EPHA5: variants seen among roughly 807,000 people sequenced by gnomAD.
EPHA5 encodes ephrin type-A receptor 5.
A neutral mutation model predicts 105.0 loss-of-function variants in EPHA5; 60 were observed. That is an observed-to-expected ratio of 0.57 (90% CI 0.46 to 0.71). The LOEUF is 0.71. Among genes scored for constraint, EPHA5 ranks in the 30% least tolerant of loss-of-function variants. EPHA5 has a pLI of 0.00. For missense variants in EPHA5, 1,218 were observed against 1,274.7 expected (o/e 0.96, Z 0.68); for synonymous variants, 513 against 449.1 (o/e 1.14, Z -1.80).
At chr4:65,654,039 A>T (rs543964069) in intron 1 of EPHA5, among the ~76,000 whole-genome samples, 7 of 152,128 alleles carry the variant, frequency 4.6e-5, no homozygotes, top group Admixed American at 4.6e-4. Flanking sequence ...TGTTGTTTAA[A>T]CTAAAGGAAT....
intron 3 of EPHA5, among the ~76,000 whole-genome samples, chr4:65,554,962 C>G (rs1738264437): frequency 1.0e-5 from 1 of 99,496 alleles, no homozygotes; most frequent in Non-Finnish European, 2.0e-5. Context: ...AATGTTATCA[C>G]TTCACCCCTA....
rs573122970 is a variant in EPHA5 at position 65,355,523 on chromosome 4, C to T, written c.2174-2420G>A. Among the ~76,000 whole-genome samples, 176 of 151,710 alleles carry T rather than the reference C, an allele frequency of 1.2e-3. 1 individual carries two copies. In the Middle Eastern group the frequency reaches 0.02, roughly 18 times the overall value. ...CTTTGGGCTCTTTTCGTCCCATTCT[C>T]ACATCTCTGAGCCCATTTCAACCTT... On this transcript the variant is annotated intron_variant, in intron 11 of 16. Coordinates refer to ENST00000613740, the MANE Select transcript of EPHA5 (RefSeq NM_001281766.3).
At chr4:65,350,340 T>A (rs1475494490) in intron 13 of EPHA5, among the ~76,000 whole-genome samples, 1 of 151,348 alleles carries the variant, frequency 6.6e-6, no homozygotes, top group East Asian at 2.0e-4. Flanking sequence ...AAAGTACAAA[T>A]CCCCATGAAT....
chr4:65,522,652 A>G (rs552937187), intron 3 of EPHA5, among the ~76,000 whole-genome samples: 2 of 152,118 alleles, frequency 1.3e-5, no homozygotes, highest in Non-Finnish European at 2.9e-5. Flanking sequence ...TGTATGAATG[A>G]CAGATTTTTA....
intron 3 of EPHA5, among the ~76,000 whole-genome samples, chr4:65,506,390 G>GA (rs1352165613): frequency 6.8e-6 from 1 of 146,078 alleles, no homozygotes; most frequent in Non-Finnish European, 1.5e-5. Flanking sequence ...GGGTCAAATG[G>GA]TATTTCTAGT....
intron 5 of EPHA5, among the ~76,000 whole-genome samples, chr4:65,430,033 A>G (rs1724826794): frequency 6.6e-6 from 1 of 152,038 alleles, no homozygotes; most frequent in African/African-American, 2.4e-5. Context: ...AAAAAAGCCA[A>G]ATCACAACAT....
chr4:65,632,659 G>A (rs934981928), intron 2 of EPHA5, among the ~76,000 whole-genome samples: 2 of 151,750 alleles, frequency 1.3e-5, no homozygotes, highest in Non-Finnish European at 2.9e-5. Flanking sequence ...TTGAGGCATA[G>A]AGTGATCTGC....
At chr4:65,549,380 G>A (rs1175208448) in intron 3 of EPHA5, among the ~76,000 whole-genome samples, 3 of 151,972 alleles carry the variant, frequency 2.0e-5, no homozygotes, top group African/African-American at 7.3e-5. Context: ...TAAATGGAAG[G>A]GCCTAGATGC....
chr4:65,439,905 A>G (rs1216935548), intron 5 of EPHA5, among the ~76,000 whole-genome samples: 1 of 152,116 alleles, frequency 6.6e-6, no homozygotes, highest in Non-Finnish European at 1.5e-5. Flanking sequence ...ATTTGTTTGC[A>G]TTATGAAAGA....
At position 65,335,964 on chromosome 4, in the gene EPHA5, A is replaced by C. The variant is rs760801092; in HGVS notation, c.2757T>G (p.Ser919Arg). The stretch of plus-strand genomic sequence containing the variant: ...ATGCATTAACCAGCGTCTTCAGACT[A>C]CTTGGGTTACGTATCAGCTTGTCCA... ...NMLDKLIRNP[S>R]SLKTLVNASC... is the part of the protein sequence containing the mutation. Residue 919 changes from serine (S) to arginine (R), a missense_variant, in exon 15 of 17, where the codon AGT becomes AGG. Around this residue, in one of 3 missense-constraint regions of EPHA5, gnomAD observed 971 missense variants for 1,013.5 expected, o/e 0.96. Transcript: ENST00000613740. 2 of 1,612,652 alleles carry C rather than the reference A, an allele frequency of 1.2e-6. No individual in the cohort carries two copies. The highest frequency in any genetic ancestry group is 1.7e-6 in the Non-Finnish European group (2 of 1,179,168).
intron 3 of EPHA5, among the ~76,000 whole-genome samples, chr4:65,580,203 A>G (rs1741478793): frequency 1.3e-5 from 2 of 151,942 alleles, no homozygotes; most frequent in South Asian, 2.1e-4. Context: ...ACTCATTAAA[A>G]TAGGCATATA....
At chr4:65,635,140 C>T (rs1747003659) in intron 2 of EPHA5, among the ~76,000 whole-genome samples, 1 of 101,874 alleles carries the variant, frequency 9.8e-6, no homozygotes, top group African/African-American at 3.4e-5. Flanking sequence ...CAAAAGTAAG[C>T]ACAAAGGTTC....
chr4:65,636,911 A>C (rs1747172199), intron 2 of EPHA5, among the ~76,000 whole-genome samples: 1 of 152,232 alleles, frequency 6.6e-6, no homozygotes, highest in Admixed American at 6.5e-5. Context: ...AGTGCCTAGA[A>C]GACTGAGGGA....
chr4:65,502,303 C>T (rs1481655852), intron 3 of EPHA5, among the ~76,000 whole-genome samples: 1 of 151,162 alleles, frequency 6.6e-6, no homozygotes, highest in East Asian at 1.9e-4. Flanking sequence ...AAACTATTAG[C>T]AAAGTAAACA....
intron 15 of EPHA5, among the ~76,000 whole-genome samples, chr4:65,332,456 C>G (rs771493483): frequency 6.6e-6 from 1 of 151,652 alleles, no homozygotes; most frequent in African/African-American, 2.4e-5. Flanking sequence ...TAAAACCACT[C>G]TGTATAATAG....
chr4:65,577,664 G>A (rs6850491), intron 3 of EPHA5, among the ~76,000 whole-genome samples: 37,774 of 151,886 alleles, frequency 0.25, 5,256 homozygotes, highest in East Asian at 0.46. Context: ...ATTTGAAATA[G>A]ACTAGGTAAC....
intron 3 of EPHA5, among the ~76,000 whole-genome samples, chr4:65,501,272 A>C (rs901975945): frequency 6.6e-6 from 1 of 151,518 alleles, no homozygotes; most frequent in Admixed American, 6.6e-5. Context: ...CAATTAGGCA[A>C]GAGAAACAAA....
intron 5 of EPHA5, among the ~76,000 whole-genome samples, chr4:65,480,143 G>A (rs1341266427): frequency 6.6e-6 from 1 of 151,914 alleles, no homozygotes; most frequent in Non-Finnish European, 1.5e-5. Flanking sequence ...AAGAGAGAAA[G>A]GATGAGAGAG....
At position 65,470,069 on chromosome 4, in the gene EPHA5, G is replaced by C. The variant is rs956133615; in HGVS notation, c.1402+20308C>G. On this transcript the variant is annotated intron_variant, in intron 5 of 16. Transcript: ENST00000613740. ...TGATACCCTAACAAAATAAACAAGAGTTATTTTCCATGACATTCATGGTTA... is the reference window on the plus strand; with the variant it reads ...TGATACCCTAACAAAATAAACAAGACTTATTTTCCATGACATTCATGGTTA... Among the ~76,000 whole-genome samples the C allele has an allele frequency of 3.3e-5, 5 of 152,152 alleles. No individual in the cohort carries two copies. In the South Asian group the frequency reaches 1.0e-3, roughly 32 times the overall value.
Sources: allele counts gnomAD v4.1 joint callset (sites outside exome capture counted in the v4.1 genomes callset), GRCh38; gene constraint gnomAD v4.1.1; regional missense constraint gnomAD v4.1.1; transcripts MANE v1.5; gene names NCBI Gene and HGNC (gene_info 2026-07-23, HGNC 2026-07-21).